EYA3: variants seen among roughly 807,000 people sequenced by gnomAD.
EYA3 encodes protein phosphatase EYA3.
EYA3 carries 39 observed loss-of-function variants against 80.0 expected under a neutral mutation model. The observed-to-expected ratio is 0.49, with a 90% CI of 0.38 to 0.64. The LOEUF is 0.64. EYA3 is among the 30% of genes least tolerant of loss of function. The pLI is 0.00. For missense variants in EYA3, 523 were observed against 676.1 expected, an observed-to-expected ratio of 0.77 and a Z score of 2.51; for synonymous variants, 206 against 232.8, an observed-to-expected ratio of 0.88 and a Z score of 1.05.
intron 6 of EYA3, among the ~76,000 whole-genome samples, chr1:28,034,066 A>T: frequency 6.6e-6 from 1 of 151,968 alleles, no homozygotes; most frequent in East Asian, 2.0e-4. Context: ...GGTGGTGCAC[A>T]CAGCGAGACT....
chr1:28,074,763 A>G (rs1435310117), intron 1 of EYA3, among the ~76,000 whole-genome samples: 1 of 152,122 alleles, frequency 6.6e-6, no homozygotes, highest in Non-Finnish European at 1.5e-5. Flanking sequence ...ATGCTTTGTA[A>G]TAACAGTCTC....
chr1:27,976,193 C>T (rs539892539), intron 17 of EYA3, among the ~76,000 whole-genome samples: 1 of 152,252 alleles, frequency 6.6e-6, no homozygotes, highest in South Asian at 2.1e-4. Context: ...GGTGCAGTGG[C>T]TCATGCCTGC....
intron 7 of EYA3, among the ~76,000 whole-genome samples, chr1:28,019,788 G>A (rs796791923): frequency 4.6e-5 from 7 of 151,768 alleles, no homozygotes; most frequent in Non-Finnish European, 8.8e-5. Flanking sequence ...TGCAACCTCC[G>A]CCTCCCGGGT....
At chr1:28,040,828 G>C (rs1643731069) in intron 4 of EYA3, among the ~76,000 whole-genome samples, 2 of 144,628 alleles carry the variant, frequency 1.4e-5, no homozygotes. Context: ...TAACTAGTAA[G>C]AGATGTGGAG....
At chr1:28,036,674 CCTGGGACTTTACA>C (rs1334112184) in intron 5 of EYA3, among the ~76,000 whole-genome samples, 1 of 152,170 alleles carries the variant, frequency 6.6e-6, no homozygotes, top group Non-Finnish European at 1.5e-5. Context: ...CAGTGAAACT[CCTGGGACTTTACA>C]CTAGCTAGCA....
At chr1:28,075,371 C>T (rs921739603) in intron 1 of EYA3, among the ~76,000 whole-genome samples, 13 of 152,230 alleles carry the variant, frequency 8.5e-5, no homozygotes, top group African/African-American at 3.1e-4. Flanking sequence ...TGTTCAACAA[C>T]TGCCTTTAAC....
intron 2 of EYA3, among the ~76,000 whole-genome samples, chr1:28,054,884 T>C (rs907827467): frequency 3.3e-5 from 5 of 151,926 alleles, no homozygotes; most frequent in Admixed American, 6.6e-5. Context: ...CACTACTTGG[T>C]TTGTTTGTTT....
intron 11 of EYA3, among the ~76,000 whole-genome samples, chr1:28,001,680 AGT>A (rs1640856513): frequency 7.1e-6 from 1 of 141,386 alleles, no homozygotes; most frequent in Non-Finnish European, 1.5e-5. Flanking sequence ...TGGAGCTTGC[AGT>A]GAGCAGAGAT....
chr1:28,033,208 G>A (rs114680257), intron 6 of EYA3, among the ~76,000 whole-genome samples: 2 of 151,954 alleles, frequency 1.3e-5, no homozygotes, highest in South Asian at 2.1e-4. Flanking sequence ...TCTTGATTTC[G>A]AAAGAAAGAA....
intron 12 of EYA3, chr1:27,998,140 G>A (rs1640584772): frequency 5.9e-6 from 1 of 169,984 alleles, no homozygotes; most frequent in Non-Finnish European, 1.2e-5. Flanking sequence ...AGAATCCTCT[G>A]GGGAAGTTTT....
intron 13 of EYA3, among the ~76,000 whole-genome samples, chr1:27,994,083 T>C (rs1224500084): frequency 6.6e-6 from 1 of 152,238 alleles, no homozygotes; most frequent in Non-Finnish European, 1.5e-5. Flanking sequence ...AATTCTTTGA[T>C]ATTCCTCTCT....
chr1:28,054,654 T>C (rs562665974), intron 2 of EYA3, among the ~76,000 whole-genome samples: 1 of 151,882 alleles, frequency 6.6e-6, no homozygotes, highest in Non-Finnish European at 1.5e-5. Context: ...AGCCCAGGAG[T>C]TCGAGACCAG....
intron 7 of EYA3, among the ~76,000 whole-genome samples, chr1:28,023,095 G>GAAAA (rs77197488): frequency 0.33 from 48,805 of 149,316 alleles, 8,219 homozygotes; most frequent in East Asian, 0.5. Context: ...GGGGGGGGGG[G>GAAAA]AAAACCAAAA....
intron 1 of EYA3, among the ~76,000 whole-genome samples, chr1:28,067,359 T>C (rs1272450317): frequency 1.3e-5 from 2 of 152,240 alleles, no homozygotes; most frequent in Non-Finnish European, 2.9e-5. Flanking sequence ...CATGTTTTTA[T>C]GTTAGTTTAA....
intron 1 of EYA3, among the ~76,000 whole-genome samples, chr1:28,073,320 T>C (rs1209280040): frequency 7.2e-6 from 1 of 137,956 alleles, no homozygotes; most frequent in East Asian, 2.1e-4. Flanking sequence ...TTTTTTGAGA[T>C]GATGTCTTCC....
Position 27,971,858 on chromosome 1 carries a change from T to G in EYA3, c.*2608A>C, listed in dbSNP as rs1457506938. On this transcript the variant is annotated 3_prime_UTR_variant, in exon 18 of 18. Coordinates refer to ENST00000373871, the MANE Select transcript of EYA3 (RefSeq NM_001990.4). ...CACTGTGTTCCCTGGACAATTCATT[T>G]TGGCAAACAGCCAAGAAGCTCCTGT... The G allele has an allele frequency of 1.3e-5, 2 of 152,160 alleles. No individual in the cohort carries two copies. Among genetic ancestry groups the G allele is most frequent in the Non-Finnish European group, 2.9e-5 (2 of 68,026 alleles). 9.4% of individuals were successfully genotyped at this position (152,160 alleles called of 1,614,324 possible). A position where few individuals can be genotyped will look rare whatever the true frequency, so the allele number is the denominator to read the frequency against.
At chr1:28,015,775 C>A (rs1259568078) in intron 8 of EYA3, among the ~76,000 whole-genome samples, 1 of 152,042 alleles carries the variant, frequency 6.6e-6, no homozygotes, top group African/African-American at 2.4e-5. Context: ...TGAGAAATGA[C>A]CAGATTGGGT....
At chr1:28,048,047 T>C (rs553761816) in intron 3 of EYA3, among the ~76,000 whole-genome samples, 1 of 152,316 alleles carries the variant, frequency 6.6e-6, no homozygotes, top group South Asian at 2.1e-4. Flanking sequence ...CGCTTATGCT[T>C]CCTATTCTGT....
chr1:28,045,198 T>A (rs111908974), intron 3 of EYA3, among the ~76,000 whole-genome samples: 5 of 152,356 alleles, frequency 3.3e-5, no homozygotes, highest in African/African-American at 1.2e-4. Flanking sequence ...TAGAACTTAA[T>A]GTACTAAGAT....
Sources: gnomAD v4.1 joint callset for allele counts (sites outside exome capture counted in the v4.1 genomes callset) on GRCh38, gnomAD v4.1.1 for gene constraint, MANE v1.5 for transcripts, NCBI Gene and HGNC (gene_info 2026-07-23, HGNC 2026-07-21) for gene names.